RREB1: variants seen among roughly 807,000 people sequenced by gnomAD.
RREB1 encodes ras-responsive element-binding protein 1.
Under a neutral mutation model 117.8 loss-of-function variants are expected in RREB1, and 27 were observed. The ratio of observed to expected loss-of-function variants is 0.23; its 90% confidence interval spans 0.17 to 0.32. RREB1 has a LOEUF of 0.32. Ranked by LOEUF, RREB1 falls within the 10% of genes least tolerant of loss-of-function variation. The probability of loss-of-function intolerance (pLI) is 1.00; values close to 1 mark genes in which losing one functional copy is unlikely to be tolerated. For synonymous variants in RREB1, 1,298 were observed against 1,026.7 expected (o/e 1.26, Z -5.05); for missense variants, 2,577 against 2,378.2 (o/e 1.08, Z -1.74).
At chr6:7,201,501 C>G (rs540986910) in intron 6 of RREB1, among the ~76,000 whole-genome samples, 8 of 141,456 alleles carry the variant, frequency 5.7e-5, no homozygotes, top group South Asian at 5.1e-4. Context: ...TTGTCCCCCC[C>G]CCCCAACCCC....
rs183146121 is a variant in RREB1 at position 7,190,714 on chromosome 6, A to G, written c.425+1392A>G. On this transcript the variant is annotated intron_variant, in intron 6 of 12. Transcript: ENST00000379938. ...TTTAGCTTTTTATTTTTTTACCACCATGTTGGCCTGTTGGTATCCTTTATT... is the reference window on the plus strand; with the variant it reads ...TTTAGCTTTTTATTTTTTTACCACCGTGTTGGCCTGTTGGTATCCTTTATT... Among the ~76,000 whole-genome samples, 68 of 152,168 alleles carry G rather than the reference A, an allele frequency of 4.5e-4. 1 individual carries two copies. Among genetic ancestry groups the G allele is most frequent in the Admixed American group, 3.7e-3 (57 of 15,286 alleles).
chr6:7,161,767 C>T (rs886140360), intron 1 of RREB1, among the ~76,000 whole-genome samples: 4 of 152,334 alleles, frequency 2.6e-5, no homozygotes, highest in South Asian at 2.1e-4. Context: ...TCATTCTCGA[C>T]GCCTGCCTGG....
chr6:7,142,172 G>A (rs1762628730), intron 1 of RREB1, among the ~76,000 whole-genome samples: 1 of 151,342 alleles, frequency 6.6e-6, no homozygotes, highest in South Asian at 2.1e-4. Context: ...CCGAGATCGC[G>A]CCACCGCACT....
chr6:7,181,833 C>T, intron 3 of RREB1, 37 bp from the exon 4 acceptor site: 1 of 1,487,272 alleles, frequency 6.7e-7, no homozygotes, highest in East Asian at 2.3e-5. Flanking sequence ...GAAGCCTAAA[C>T]TTCCCCATGA....
chr6:7,149,196 T>TA (rs1399529988), intron 1 of RREB1, among the ~76,000 whole-genome samples: 1 of 152,242 alleles, frequency 6.6e-6, no homozygotes, highest in Non-Finnish European at 1.5e-5. Context: ...GTGCTGGAAT[T>TA]ACAGTTGTGA....
At chr6:7,170,338 G>A (rs1281273230) in intron 1 of RREB1, among the ~76,000 whole-genome samples, 1 of 152,204 alleles carries the variant, frequency 6.6e-6, no homozygotes, top group Non-Finnish European at 1.5e-5. Context: ...GTCTCCCCTT[G>A]AGGTCATCTC....
chr6:7,208,537 G>A (rs1243993990), intron 6 of RREB1, among the ~76,000 whole-genome samples: 2 of 152,218 alleles, frequency 1.3e-5, no homozygotes, highest in East Asian at 1.9e-4. Context: ...GAAATGGAGC[G>A]GTGCTTGTGC....
intron 6 of RREB1, among the ~76,000 whole-genome samples, chr6:7,191,174 G>A: frequency 6.6e-6 from 1 of 152,096 alleles, no homozygotes; most frequent in Non-Finnish European, 1.5e-5. Flanking sequence ...GTGGTGCTCT[G>A]GGTGTCATAT....
intron 1 of RREB1, among the ~76,000 whole-genome samples, chr6:7,140,017 A>C (rs371263251): frequency 3.0e-4 from 46 of 152,196 alleles, no homozygotes; most frequent in African/African-American, 1.0e-3. Context: ...TAGCAAAGAG[A>C]GTGTACTGCA....
intron 8 of RREB1, chr6:7,214,397 G>C (rs1163962159): frequency 2.0e-5 from 3 of 152,238 alleles, no homozygotes; most frequent in East Asian, 3.9e-4. Flanking sequence ...GGGGTGGCCC[G>C]TAAGAAGAGA....
At chr6:7,195,823 G>A (rs9505073) in intron 6 of RREB1, among the ~76,000 whole-genome samples, 15,502 of 152,138 alleles carry the variant, frequency 0.1, 1,608 homozygotes, top group African/African-American at 0.25. Flanking sequence ...TTTGTAACCC[G>A]TTTGAGGCCC....
intron 8 of RREB1, among the ~76,000 whole-genome samples, chr6:7,222,699 C>G (rs1337294294): frequency 6.6e-6 from 1 of 151,962 alleles, no homozygotes; most frequent in Non-Finnish European, 1.5e-5. Flanking sequence ...TAGGGGTGCA[C>G]ACCTGTAGCC....
At chr6:7,172,691 T>TC (rs1554120438) in intron 1 of RREB1, among the ~76,000 whole-genome samples, 15 of 135,152 alleles carry the variant, frequency 1.1e-4, no homozygotes, top group African/African-American at 4.7e-4. Flanking sequence ...GTTGCCGGTG[T>TC]GGGGGGGTGG....
At chr6:7,198,157 T>C (rs188161071) in intron 6 of RREB1, among the ~76,000 whole-genome samples, 2 of 152,350 alleles carry the variant, frequency 1.3e-5, no homozygotes, top group Non-Finnish European at 2.9e-5. Context: ...TAGCTCGTTC[T>C]GGCGCTTGCT....
intron 8 of RREB1, among the ~76,000 whole-genome samples, chr6:7,225,885 G>A (rs1483201881): frequency 1.3e-5 from 2 of 152,198 alleles, no homozygotes; most frequent in African/African-American, 4.8e-5. Flanking sequence ...CCTGGGCTCA[G>A]TCCATGAGGA....
rs142783758 is a variant in RREB1 at position 7,156,317 on chromosome 6, G to A, written c.-284-20338G>A. Among the ~76,000 whole-genome samples the A allele has an allele frequency of 4.5e-4, 69 of 152,226 alleles. No homozygotes were observed. The East Asian group carries it at 0.013, about 29-fold the overall frequency. On this transcript the variant is annotated intron_variant, in intron 1 of 12. Transcript: ENST00000379938. Reference sequence around the variant, plus strand: ...CTTCAGCAGAGGTGTAGATAATTGAGGTAAATCTCGAGTCAAATCTAAACA... The same window carrying A: ...CTTCAGCAGAGGTGTAGATAATTGAAGTAAATCTCGAGTCAAATCTAAACA...
intron 6 of RREB1, among the ~76,000 whole-genome samples, chr6:7,198,930 A>T (rs895554876): frequency 3.9e-5 from 6 of 152,220 alleles, no homozygotes; most frequent in African/African-American, 1.2e-4. Flanking sequence ...TAAGACATGG[A>T]GAAAAAGAGC....
chr6:7,245,849 T>C (rs1168518337), intron 11 of RREB1, among the ~76,000 whole-genome samples: 1 of 152,150 alleles, frequency 6.6e-6, no homozygotes. Flanking sequence ...CTGCGCCCCC[T>C]TGGGTCTCTG....
chr6:7,144,230 A>G (rs1464793116), intron 1 of RREB1, among the ~76,000 whole-genome samples: 1 of 152,206 alleles, frequency 6.6e-6, no homozygotes, highest in Non-Finnish European at 1.5e-5. Context: ...AAATGTTCTC[A>G]TAACAAAAAA....
Sources: gnomAD v4.1 joint callset for allele counts (sites outside exome capture counted in the v4.1 genomes callset) on GRCh38, gnomAD v4.1.1 for gene constraint, MANE v1.5 for transcripts, NCBI Gene and HGNC (gene_info 2026-07-23, HGNC 2026-07-21) for gene names.